BMPR1A: variants seen among roughly 807,000 people sequenced by gnomAD.
BMPR1A encodes the protein bone morphogenetic protein receptor type-1A.
A neutral mutation model predicts 66.0 loss-of-function variants in BMPR1A; 7 were observed. That is an observed-to-expected ratio of 0.11 (90% CI 0.06 to 0.20). BMPR1A has a LOEUF of 0.20. Among genes scored for constraint, BMPR1A ranks in the 10% least tolerant of loss-of-function variants. BMPR1A has a pLI of 1.00. For synonymous variants in BMPR1A, 200 were observed against 229.7 expected, an observed-to-expected ratio of 0.87 and a Z score of 1.17; for missense variants, 408 against 669.1, an observed-to-expected ratio of 0.61 and a Z score of 4.31.
At chr10:86,767,396 T>C (rs953356512) in intron 1 of BMPR1A, among the ~76,000 whole-genome samples, 1 of 152,192 alleles carries the variant, frequency 6.6e-6, no homozygotes, top group Non-Finnish European at 1.5e-5. Context: ...ATAAAAATTA[T>C]TTGGAAACCT....
chr10:86,871,216 G>A (rs1177912495), intron 2 of BMPR1A, among the ~76,000 whole-genome samples: 2 of 152,094 alleles, frequency 1.3e-5, no homozygotes, highest in Non-Finnish European at 2.9e-5. Context: ...ATTAGAGGGG[G>A]GTCACTGCCC....
intron 7 of BMPR1A, among the ~76,000 whole-genome samples, chr10:86,908,038 A>G (rs995811593): frequency 6.6e-6 from 1 of 152,172 alleles, no homozygotes; most frequent in African/African-American, 2.4e-5. Flanking sequence ...CCACATCTCT[A>G]CAAAAAAATA....
chr10:86,877,435 C>A (rs1229554147), intron 3 of BMPR1A, among the ~76,000 whole-genome samples: 1 of 152,156 alleles, frequency 6.6e-6, no homozygotes, highest in African/African-American at 2.4e-5. Flanking sequence ...TCTCGATCTC[C>A]TGACCTCGTG....
chr10:86,877,509 T>C (rs1842935629), intron 3 of BMPR1A, among the ~76,000 whole-genome samples: 1 of 152,224 alleles, frequency 6.6e-6, no homozygotes, highest in Non-Finnish European at 1.5e-5. Flanking sequence ...GCCTGGCTGA[T>C]ATTTTCATCT....
intron 10 of BMPR1A, among the ~76,000 whole-genome samples, chr10:86,920,510 T>G (rs2133599753): frequency 6.6e-6 from 1 of 152,346 alleles, no homozygotes; most frequent in East Asian, 1.9e-4. Context: ...AAAGTACCAG[T>G]CTTTAAAACA....
downstream of BMPR1A, chr10:86,931,363 A>T (rs1357648919): frequency 6.8e-6 from 1 of 147,152 alleles, no homozygotes; most frequent in Non-Finnish European, 1.5e-5. Context: ...TCTTTAATGG[A>T]AGAGCCATTT....
chr10:86,861,836 G>A (rs1842717346), intron 2 of BMPR1A, among the ~76,000 whole-genome samples: 1 of 152,232 alleles, frequency 6.6e-6, no homozygotes, highest in African/African-American at 2.4e-5. Context: ...GTGAGCAAAA[G>A]GAAGTGGTGT....
chr10:86,857,062 T>C (rs1414012911), intron 2 of BMPR1A, among the ~76,000 whole-genome samples: 1 of 152,234 alleles, frequency 6.6e-6, no homozygotes, highest in African/African-American at 2.4e-5. Flanking sequence ...TGAGGAAGCC[T>C]ACCTGAGCTA....
chr10:86,906,723 CAAAAAAAAAAAAAAAAAAAAAAAAAA>C lies in BMPR1A; in HGVS notation c.531-5503_531-5478del, dbSNP rs929716555. 3.7e-4 allele frequency among the ~76,000 whole-genome samples: 4 copies of C among 10,704 alleles called. 1 individual carries two copies. Among genetic ancestry groups the C allele is most frequent in the South Asian group, 8.3e-3 (1 of 120 alleles). 7.0% of individuals were successfully genotyped at this position (10,704 alleles called of 152,430 possible). A position where few individuals can be genotyped will look rare whatever the true frequency, so the allele number is the denominator to read the frequency against. The stretch of plus-strand genomic sequence containing the variant: ...TGGGCGACAGAGTGAGACTCCGTCT[CAAAAAAAAAAAAAAAAAAAAAAAAAA>C]AAAAAAAAAAAAACACTTTGTCCTT... On this transcript the variant is annotated intron_variant, in intron 7 of 12. Transcript: ENST00000372037.
At chr10:86,900,478 T>C (rs1397302462) in intron 7 of BMPR1A, among the ~76,000 whole-genome samples, 2 of 151,916 alleles carry the variant, frequency 1.3e-5, no homozygotes, top group South Asian at 4.2e-4. Context: ...TCCAGAATTG[T>C]TTGCATGTAG....
At chr10:86,833,125 A>G (rs1842295954) in intron 1 of BMPR1A, among the ~76,000 whole-genome samples, 1 of 152,142 alleles carries the variant, frequency 6.6e-6, no homozygotes, top group African/African-American at 2.4e-5. Flanking sequence ...GAACAAAGAA[A>G]AAAAATTTAC....
chr10:86,766,846 A>G (rs1464894459), intron 1 of BMPR1A, among the ~76,000 whole-genome samples: 5 of 136,632 alleles, frequency 3.7e-5, no homozygotes, highest in African/African-American at 1.1e-4. Flanking sequence ...TTTTTTGGAG[A>G]CCGAGTCTTG....
At chr10:86,764,668 A>T (rs951359928) in intron 1 of BMPR1A, among the ~76,000 whole-genome samples, 4 of 152,050 alleles carry the variant, frequency 2.6e-5, no homozygotes, top group Non-Finnish European at 2.9e-5. Context: ...TTCCTTTCCT[A>T]CTATTTTATC....
intron 1 of BMPR1A, among the ~76,000 whole-genome samples, chr10:86,796,862 G>A (rs1354947856): frequency 6.6e-6 from 1 of 151,918 alleles, no homozygotes; most frequent in Non-Finnish European, 1.5e-5. Flanking sequence ...GCCAATAAAA[G>A]TTTGTGGTTG....
chr10:86,893,858 A>G (rs1274965744), intron 5 of BMPR1A, among the ~76,000 whole-genome samples: 5 of 152,174 alleles, frequency 3.3e-5, no homozygotes, highest in African/African-American at 9.6e-5. Context: ...CCTCTCAGCT[A>G]ATGTTTGGAA....
chr10:86,838,198 C>T (rs1245382800), intron 1 of BMPR1A, among the ~76,000 whole-genome samples: 2 of 152,120 alleles, frequency 1.3e-5, no homozygotes, highest in Non-Finnish European at 2.9e-5. Context: ...TACTGCACTC[C>T]AGCCTGGGCG....
At chr10:86,804,927 G>A (rs924296797) in intron 1 of BMPR1A, among the ~76,000 whole-genome samples, 16 of 151,308 alleles carry the variant, frequency 1.1e-4, no homozygotes, top group Non-Finnish European at 1.6e-4. Flanking sequence ...AGGAGTGTCC[G>A]CAGAGCCATG....
intron 1 of BMPR1A, among the ~76,000 whole-genome samples, chr10:86,767,464 A>C (rs1841184796): frequency 6.6e-6 from 1 of 152,124 alleles, no homozygotes; most frequent in South Asian, 2.1e-4. Context: ...GGATCACTTG[A>C]GCCTAGGAGC....
chr10:86,792,772 C>CT (rs1222107519), intron 1 of BMPR1A, among the ~76,000 whole-genome samples: 1 of 152,172 alleles, frequency 6.6e-6, no homozygotes, highest in African/African-American at 2.4e-5. Flanking sequence ...GAAAATTTCA[C>CT]TTTAAAATGG....
Sources: allele counts gnomAD v4.1 joint callset (sites outside exome capture counted in the v4.1 genomes callset), GRCh38; gene constraint gnomAD v4.1.1; transcripts MANE v1.5; gene names NCBI Gene and HGNC (gene_info 2026-07-23, HGNC 2026-07-21).